The following NLGN1 variants were observed in gnomAD, a reference collection of about 807,000 sequenced individuals.
NLGN1 encodes neuroligin-1.
In NLGN1, 12 loss-of-function variants were observed where a neutral mutation model predicts 65.5. That is an observed-to-expected ratio of 0.18 (90% confidence interval 0.12 to 0.30). The LOEUF is 0.30. NLGN1 is among the 10% of genes least tolerant of loss of function. The pLI, the probability that NLGN1 is intolerant of heterozygous loss-of-function variation, is 1.00. For synonymous variants in NLGN1, 350 were observed against 359.5 expected (o/e 0.97, Z 0.30); for missense variants, 750 against 1,007.1 (o/e 0.74, Z 3.46).
At position 173,706,676 on chromosome 3, in the gene NLGN1, G is replaced by C. The variant is rs528523094; in HGVS notation, c.494-101004G>C. ...CATCAGACTGAGCAGGCATTACCAA[G>C]CCTATAGCATAGGGTATTTACGTAC... On this transcript the variant is annotated intron_variant, in intron 3 of 6. Transcript: ENST00000457714. Among the ~76,000 whole-genome samples, 55 of 152,294 alleles carry C rather than the reference G, an allele frequency of 3.6e-4. 1 individual carries two copies. The South Asian group carries it at 0.011, about 30-fold the overall frequency.
At chr3:173,511,535 A>G (rs1732968856) in intron 2 of NLGN1, among the ~76,000 whole-genome samples, 1 of 152,170 alleles carries the variant, frequency 6.6e-6, no homozygotes. Flanking sequence ...TGGGGAAATT[A>G]TCAGTCATTA....
At position 173,655,768 on chromosome 3, in the gene NLGN1, A is replaced by T. The variant is rs75348313; in HGVS notation, c.493+50677A>T. Among the ~76,000 whole-genome samples the T allele has an allele frequency of 2.6e-5, 4 of 151,892 alleles. No individual in the cohort carries two copies. In the South Asian group the frequency reaches 8.3e-4, roughly 31 times the overall value. On this transcript the variant is annotated intron_variant, in intron 3 of 6. Transcript: ENST00000457714. ...AGACAGTTAAAATTAAAAAAAAAAA[A>T]ATCTGACACTACATGTATATGACTG...
At chr3:173,694,065 C>G (rs1417440045) in intron 3 of NLGN1, among the ~76,000 whole-genome samples, 1 of 151,928 alleles carries the variant, frequency 6.6e-6, no homozygotes, top group African/African-American at 2.4e-5. Flanking sequence ...CCAGAGGAAA[C>G]TGAATCCCAA....
chr3:173,982,677 AC>A (rs1218893753), intron 4 of NLGN1, among the ~76,000 whole-genome samples: 5 of 152,158 alleles, frequency 3.3e-5, no homozygotes, highest in African/African-American at 4.8e-5. Context: ...TCTGAGTCAA[AC>A]TTTTTGTCAT....
intron 2 of NLGN1, among the ~76,000 whole-genome samples, chr3:173,519,496 T>C (rs2149129230): frequency 6.6e-6 from 1 of 152,336 alleles, no homozygotes; most frequent in Non-Finnish European, 1.5e-5. Context: ...TGTCCAAGGC[T>C]TTGGAAACAC....
At chr3:173,910,692 G>A (rs1037141933) in intron 4 of NLGN1, 1 of 152,146 alleles carries the variant, frequency 6.6e-6, no homozygotes, top group East Asian at 1.9e-4. Flanking sequence ...CACAGCAAAT[G>A]TGTGCTTCCT....
At chr3:173,723,014 GGTAA>G (rs1486307739) in intron 3 of NLGN1, among the ~76,000 whole-genome samples, 76 of 152,296 alleles carry the variant, frequency 5.0e-4, no homozygotes, top group African/African-American at 1.7e-3. Flanking sequence ...ACCTGAATGA[GGTAA>G]GTGAGATAAG....
chr3:174,124,068 A>T (rs1268508799), intron 4 of NLGN1, among the ~76,000 whole-genome samples: 1 of 152,084 alleles, frequency 6.6e-6, no homozygotes, highest in Non-Finnish European at 1.5e-5. Context: ...GCCTTTTAAG[A>T]AGGGGAAGAA....
chr3:174,140,967 T>A (rs2152688578), intron 4 of NLGN1, among the ~76,000 whole-genome samples: 1 of 152,252 alleles, frequency 6.6e-6, no homozygotes, highest in Non-Finnish European at 1.5e-5. Flanking sequence ...TAAAGTATTA[T>A]CATTTGTTAT....
rs75437696 is a variant in NLGN1, at chr3:173,770,099, C to T, written c.494-37581C>T. Among the ~76,000 whole-genome samples, 593 of 152,240 alleles carry T rather than the reference C, an allele frequency of 3.9e-3. 16 individuals carry two copies. In the East Asian group the frequency reaches 0.042, roughly 11 times the overall value. The stretch of plus-strand genomic sequence containing the variant: ...ATGTCCTATCTTAATAAAGATAATT[C>T]TCAAGCCATTAGGAACCTCAGAGAT... On this transcript the variant is annotated intron_variant, in intron 3 of 6. Coordinates refer to ENST00000457714, the Ensembl canonical transcript of NLGN1.
intron 2 of NLGN1, among the ~76,000 whole-genome samples, chr3:173,517,232 T>TA (rs1169220313): frequency 1.3e-5 from 2 of 152,050 alleles, no homozygotes; most frequent in African/African-American, 4.8e-5. Flanking sequence ...TCATGGCCCT[T>TA]AAATGAAGTA....
rs185868336 is a variant in NLGN1, at chr3:174,178,059, A to G, written c.647-97256A>G. Among the ~76,000 whole-genome samples, 136 of 152,194 alleles carry G rather than the reference A, an allele frequency of 8.9e-4. No homozygotes were observed. The Middle Eastern group carries it at 0.014, about 15-fold the overall frequency. ...TTTGCCTCCGTTTCTTGATCTGTGA[A>G]GTAGGAACAAAAAAAGGTAAAGTGG... On this transcript the variant is annotated intron_variant, in intron 4 of 6. Transcript: ENST00000457714.
intron 2 of NLGN1, among the ~76,000 whole-genome samples, chr3:173,589,249 G>A (rs1217516514): frequency 2.0e-5 from 3 of 152,092 alleles, no homozygotes; most frequent in African/African-American, 4.8e-5. Flanking sequence ...ATCCAGCTAC[G>A]CTTTATGTAC....
chr3:173,625,578 T>C (rs1326507072), intron 3 of NLGN1, among the ~76,000 whole-genome samples: 2 of 152,160 alleles, frequency 1.3e-5, no homozygotes, highest in African/African-American at 4.8e-5. Flanking sequence ...TTTCAATGTT[T>C]GTAATGTTTC....
At chr3:173,977,456 C>G (rs919650619) in intron 4 of NLGN1, among the ~76,000 whole-genome samples, 3 of 151,804 alleles carry the variant, frequency 2.0e-5, no homozygotes, top group African/African-American at 7.3e-5. Context: ...GTTGACAAGG[C>G]GGGTAGAAGT....
At chr3:173,946,568 G>A (rs114733716) in intron 4 of NLGN1, among the ~76,000 whole-genome samples, 7 of 152,086 alleles carry the variant, frequency 4.6e-5, no homozygotes, top group African/African-American at 7.2e-5. Flanking sequence ...ATCTCTGTGC[G>A]GTTCACCTCA....
intron 4 of NLGN1, among the ~76,000 whole-genome samples, chr3:173,993,946 A>G (rs1721698054): frequency 6.6e-6 from 1 of 151,964 alleles, no homozygotes; most frequent in Non-Finnish European, 1.5e-5. Context: ...GTGTATATAT[A>G]TAGTAACTAG....
intron 4 of NLGN1, among the ~76,000 whole-genome samples, chr3:174,072,002 G>C (rs1212412586): frequency 6.6e-6 from 1 of 152,122 alleles, no homozygotes; most frequent in East Asian, 1.9e-4. Flanking sequence ...AGATTAGAAG[G>C]CGCCTCATGT....
chr3:174,275,622 T>C (rs2152886701), intron 5 of NLGN1, 95 bp downstream of exon 5: 1 of 748,790 alleles, frequency 1.3e-6, no homozygotes, highest in East Asian at 2.6e-5. Context: ...CTGTTCAAAC[T>C]GAGTGTTAGG....
Sources: allele counts gnomAD v4.1 joint callset (sites outside exome capture counted in the v4.1 genomes callset), GRCh38; gene constraint gnomAD v4.1.1; transcripts MANE v1.5; gene names NCBI Gene and HGNC (gene_info 2026-07-23, HGNC 2026-07-21).